NT5DC1: variants seen among roughly 807,000 people sequenced by gnomAD.
NT5DC1 encodes 5'-nucleotidase domain-containing protein 1.
A neutral mutation model predicts 59.4 loss-of-function variants in NT5DC1; 42 were observed. The ratio of observed to expected loss-of-function variants is 0.71; its 90% CI spans 0.55 to 0.92. The LOEUF (loss-of-function observed/expected upper bound fraction) is 0.92. NT5DC1 is among the 40% of genes least tolerant of loss of function. The probability of loss-of-function intolerance (pLI) is 0.00; values close to 1 mark genes in which losing one functional copy is unlikely to be tolerated. For synonymous variants in NT5DC1, 172 were observed against 188.1 expected, an observed-to-expected ratio of 0.91 and a Z score of 0.70; for missense variants, 501 against 537.1, an observed-to-expected ratio of 0.93 and a Z score of 0.66.
intron 6 of NT5DC1, chr6:116,118,201 T>C: frequency 2.2e-6 from 1 of 451,664 alleles, no homozygotes; most frequent in African/African-American, 2.0e-5. Flanking sequence ...GGTCATTCTG[T>C]GAGTTCCCTA....
intron 6 of NT5DC1, among the ~76,000 whole-genome samples, chr6:116,130,364 T>C (rs1478248754): frequency 1.3e-5 from 2 of 152,152 alleles, no homozygotes; most frequent in African/African-American, 4.8e-5. Context: ...CTTACTATTG[T>C]TCAGAATTTT....
intron 6 of NT5DC1, among the ~76,000 whole-genome samples, chr6:116,134,750 T>C (rs1779547835): frequency 6.6e-6 from 1 of 152,200 alleles, no homozygotes; most frequent in Non-Finnish European, 1.5e-5. Flanking sequence ...CCGTGGTTGC[T>C]GTTCTAGTAA....
At chr6:116,226,476 G>A (rs1448794018) in intron 8 of NT5DC1, among the ~76,000 whole-genome samples, 2 of 151,940 alleles carry the variant, frequency 1.3e-5, no homozygotes, top group African/African-American at 4.8e-5. Flanking sequence ...AGCATTTTAT[G>A]TAGTTTTTCT....
intron 10 of NT5DC1, among the ~76,000 whole-genome samples, chr6:116,238,745 C>T (rs1782172709): frequency 1.3e-5 from 2 of 152,038 alleles, no homozygotes; most frequent in East Asian, 3.9e-4. Context: ...AACCAATTGA[C>T]CATATAAAAA....
At chr6:116,192,702 G>A (rs1244188704) in intron 6 of NT5DC1, among the ~76,000 whole-genome samples, 1 of 152,068 alleles carries the variant, frequency 6.6e-6, no homozygotes, top group Non-Finnish European at 1.5e-5. Flanking sequence ...CCTGTATAGA[G>A]AGTGTAAAAC....
At chr6:116,151,622 A>G (rs1049148752) in intron 6 of NT5DC1, among the ~76,000 whole-genome samples, 4 of 152,220 alleles carry the variant, frequency 2.6e-5, no homozygotes, top group Admixed American at 1.3e-4. Context: ...GTACATGCAA[A>G]TAATGGCAAA....
At chr6:116,238,908 G>C (rs776745937) in intron 10 of NT5DC1, 47 bp from the exon 11 acceptor site, 8 of 1,200,956 alleles carry the variant, frequency 6.7e-6, no homozygotes, top group South Asian at 3.9e-5. Flanking sequence ...TTATGAGATT[G>C]AACATTAGTT....
chr6:116,187,541 C>T (rs188644644), intron 6 of NT5DC1, among the ~76,000 whole-genome samples: 2 of 152,090 alleles, frequency 1.3e-5, no homozygotes, highest in East Asian at 1.9e-4. Context: ...ATCACTGAAC[C>T]GGAGATGCCA....
chr6:116,135,319 A>G (rs1006458089), intron 6 of NT5DC1, among the ~76,000 whole-genome samples: 2 of 152,120 alleles, frequency 1.3e-5, no homozygotes, highest in African/African-American at 4.8e-5. Context: ...CATCAATATC[A>G]TTAAAATACG....
At chr6:116,207,738 T>G (rs1781486919) in intron 6 of NT5DC1, among the ~76,000 whole-genome samples, 1 of 151,936 alleles carries the variant, frequency 6.6e-6, no homozygotes, top group Non-Finnish European at 1.5e-5. Context: ...ATTACTCAAC[T>G]GTGAACCCCT....
At chr6:116,101,432 GA>G (rs1481262158) in intron 1 of NT5DC1, among the ~76,000 whole-genome samples, 1 of 148,062 alleles carries the variant, frequency 6.8e-6, no homozygotes, top group Non-Finnish European at 1.5e-5. Flanking sequence ...ACAGCCACTT[GA>G]TTTGGTACTT....
At chr6:116,213,312 G>A (rs1781619562) in intron 6 of NT5DC1, among the ~76,000 whole-genome samples, 1 of 152,052 alleles carries the variant, frequency 6.6e-6, no homozygotes, top group South Asian at 2.1e-4. Flanking sequence ...ACTCAGCTGG[G>A]GCTGGCAGTT....
intron 8 of NT5DC1, 121 bp from the exon 9 acceptor site, chr6:116,236,845 G>T (rs1782123092): frequency 3.1e-6 from 2 of 643,900 alleles, no homozygotes; most frequent in East Asian, 2.6e-5. Context: ...CTGAATGTCA[G>T]CTCCTTTCCC....
At chr6:116,177,339 A>G (rs894936450) in intron 6 of NT5DC1, among the ~76,000 whole-genome samples, 1 of 152,152 alleles carries the variant, frequency 6.6e-6, no homozygotes, top group Non-Finnish European at 1.5e-5. Flanking sequence ...AACTTGATAG[A>G]ATATATCCAA....
intron 8 of NT5DC1, among the ~76,000 whole-genome samples, chr6:116,225,528 G>A (rs1029246535): frequency 6.6e-6 from 1 of 152,220 alleles, no homozygotes; most frequent in African/African-American, 2.4e-5. Flanking sequence ...AGGGTAGCCA[G>A]CTAGTCCAAA....
chr6:116,241,939 C>CAAAAAAAAAAAAAAAAAAAAA (rs1280732737), intron 11 of NT5DC1, among the ~76,000 whole-genome samples: 1 of 12,030 alleles, frequency 8.3e-5, no homozygotes, highest in African/African-American at 3.0e-4. Context: ...AAAAAAAAAA[C>CAAAAAAAAAAAAAAAAAAAAA]AAAACAAAAA....
intron 6 of NT5DC1, among the ~76,000 whole-genome samples, chr6:116,204,189 G>A (rs1313464714): frequency 2.0e-5 from 3 of 151,914 alleles, no homozygotes; most frequent in Non-Finnish European, 4.4e-5. Context: ...TAATACCACC[G>A]AGTTTGTCAA....
chr6:116,180,437 A>G (rs976939235), intron 6 of NT5DC1, among the ~76,000 whole-genome samples: 1 of 152,100 alleles, frequency 6.6e-6, no homozygotes, highest in East Asian at 1.9e-4. Flanking sequence ...TCCCTAATGA[A>G]ATAATGGACC....
intron 6 of NT5DC1, among the ~76,000 whole-genome samples, chr6:116,195,818 G>T (rs1781213131): frequency 6.6e-6 from 1 of 152,018 alleles, no homozygotes; most frequent in Admixed American, 6.6e-5. Flanking sequence ...GGGATTGTGG[G>T]TGGGGACTGA....
Sources: allele counts gnomAD v4.1 joint callset (sites outside exome capture counted in the v4.1 genomes callset), GRCh38; gene constraint gnomAD v4.1.1; transcripts MANE v1.5; gene names NCBI Gene and HGNC (gene_info 2026-07-23, HGNC 2026-07-21).